Variants in PRLR observed in about 807,000 individuals in gnomAD.
The protein encoded by PRLR is prolactin receptor, also known as hPRL receptor.
A neutral mutation model predicts 40.2 loss-of-function variants in PRLR; 13 were observed. The ratio of observed to expected loss-of-function variants is 0.32; its 90% CI spans 0.21 to 0.51. The LOEUF is 0.51. Ranked by LOEUF, PRLR falls within the 20% of genes least tolerant of loss-of-function variation. The pLI is 0.97. For missense variants in PRLR, 656 were observed against 747.3 expected, an observed-to-expected ratio of 0.88 and a Z score of 1.42; for synonymous variants, 269 against 278.7, an observed-to-expected ratio of 0.97 and a Z score of 0.35.
At chr5:35,173,650 C>A (rs972802202) in intron 1 of PRLR, among the ~76,000 whole-genome samples, 1 of 152,194 alleles carries the variant, frequency 6.6e-6, no homozygotes, top group African/African-American at 2.4e-5. Flanking sequence ...CCCTGTTTCT[C>A]TTTATTTTTG....
chr5:35,118,859 C>G (rs1348783567), intron 1 of PRLR, among the ~76,000 whole-genome samples: 1 of 151,756 alleles, frequency 6.6e-6, no homozygotes, highest in Admixed American at 6.6e-5. Flanking sequence ...AATCACAGCT[C>G]ACTGCAACTT....
chr5:35,183,089 C>A (rs879757307), intron 1 of PRLR, among the ~76,000 whole-genome samples: 5 of 152,198 alleles, frequency 3.3e-5, no homozygotes, highest in Admixed American at 2.0e-4. Flanking sequence ...AGTTGCGACA[C>A]CTACTTCTAG....
In PRLR at chr5:35,223,091, G is replaced by T. The variant is rs188630613; in HGVS notation, c.-106+7177C>A. Among the ~76,000 whole-genome samples the T allele has an allele frequency of 8.5e-5, 13 of 152,316 alleles. No individual in the cohort carries two copies. The East Asian group carries it at 2.5e-3, about 29-fold the overall frequency. On this transcript the variant is annotated intron_variant, in intron 1 of 9. Coordinates refer to ENST00000618457, the MANE Select transcript of PRLR (RefSeq NM_000949.7). ...GGCTTTCAGCCACATCATCCAAGTA[G>T]ACAGAATCACCACGAGGAATTATCT...
intron 1 of PRLR, among the ~76,000 whole-genome samples, chr5:35,123,252 A>T (rs1773349555): frequency 6.6e-6 from 1 of 152,212 alleles, no homozygotes; most frequent in Non-Finnish European, 1.5e-5. Context: ...AAAAATGGCT[A>T]AAAAACAGAA....
At chr5:35,095,292 T>C (rs1771464275) in intron 2 of PRLR, among the ~76,000 whole-genome samples, 1 of 152,150 alleles carries the variant, frequency 6.6e-6, no homozygotes, top group African/African-American at 2.4e-5. Context: ...CAACAGTCAA[T>C]GATTGTGAAT....
intron 1 of PRLR, among the ~76,000 whole-genome samples, chr5:35,149,356 A>G (rs899024996): frequency 1.3e-5 from 2 of 152,314 alleles, no homozygotes; most frequent in Middle Eastern, 3.4e-3. Context: ...AGTTTGGAAG[A>G]CCTAAGGAAG....
chr5:35,096,118 G>A (rs558624152), intron 2 of PRLR, among the ~76,000 whole-genome samples: 1 of 152,314 alleles, frequency 6.6e-6, no homozygotes, highest in South Asian at 2.1e-4. Flanking sequence ...GGCCACTCAG[G>A]AATACCTGTG....
chr5:35,153,758 TACACAC>T (rs146437480), intron 1 of PRLR, among the ~76,000 whole-genome samples: 4 of 140,606 alleles, frequency 2.8e-5, no homozygotes, highest in South Asian at 2.2e-4. Flanking sequence ...CTACACACAC[TACACAC>T]ACACACACAC....
chr5:35,078,546 A>G (rs1422361454), intron 5 of PRLR, among the ~76,000 whole-genome samples: 1 of 152,130 alleles, frequency 6.6e-6, no homozygotes, highest in African/African-American at 2.4e-5. Context: ...AGGCTCTGAA[A>G]TTGAGGCAAT....
At chr5:35,138,488 T>C (rs957379151) in intron 1 of PRLR, among the ~76,000 whole-genome samples, 1 of 152,182 alleles carries the variant, frequency 6.6e-6, no homozygotes, top group Admixed American at 6.6e-5. Context: ...TGTGGAGAGA[T>C]TGGAATTTAT....
At chr5:35,151,716 C>T (rs1191266520) in intron 1 of PRLR, among the ~76,000 whole-genome samples, 4 of 152,164 alleles carry the variant, frequency 2.6e-5, no homozygotes, top group Non-Finnish European at 4.4e-5. Context: ...TTGTCAAGAG[C>T]CCCAACTAAT....
At chr5:35,125,348 G>A (rs1487933821) in intron 1 of PRLR, among the ~76,000 whole-genome samples, 1 of 152,204 alleles carries the variant, frequency 6.6e-6, no homozygotes, top group Non-Finnish European at 1.5e-5. Flanking sequence ...GCTTAGTTTA[G>A]TTCAGAGGTC....
intron 2 of PRLR, among the ~76,000 whole-genome samples, chr5:35,103,281 G>T (rs531247343): frequency 4.6e-5 from 7 of 152,134 alleles, no homozygotes; most frequent in Admixed American, 6.6e-5. Context: ...AAAGGTAAGC[G>T]CTATTGTCAA....
Position 35,064,762 on chromosome 5 carries a change from C to T in PRLR, c.*327G>A. 4.6e-6 allele frequency: 1 copy of T among 216,900 alleles called. No individual in the cohort carries two copies. Among genetic ancestry groups the T allele is most frequent in the Non-Finnish European group, 9.2e-6 (1 of 109,170 alleles). 13.4% of individuals were successfully genotyped at this position (216,900 alleles called of 1,614,324 possible). ...TTTGACAATTTCATTTCCGTCTGTC[C>T]CATGCCAAATCATGAAAGCCTTTTC... On this transcript the variant is annotated 3_prime_UTR_variant, in exon 10 of 10. Transcript: ENST00000618457.
chr5:35,114,656 C>T (rs1376067846), intron 2 of PRLR, among the ~76,000 whole-genome samples: 1 of 152,080 alleles, frequency 6.6e-6, no homozygotes, highest in East Asian at 1.9e-4. Flanking sequence ...TGGAGATTTC[C>T]CTTTGTGTGG....
At chr5:35,204,142 T>C (rs1775950048) in intron 1 of PRLR, among the ~76,000 whole-genome samples, 2 of 151,944 alleles carry the variant, frequency 1.3e-5, no homozygotes, top group South Asian at 4.1e-4. Context: ...TGTGAAACTT[T>C]TCTCTCAAAA....
intron 5 of PRLR, chr5:35,081,562 A>G (rs1006605506): frequency 4.5e-5 from 7 of 154,692 alleles, no homozygotes; most frequent in African/African-American, 1.7e-4. Flanking sequence ...TTTGAAAAAT[A>G]TGGTCCAACA....
chr5:35,067,775 G>C (rs561701372), intron 9 of PRLR, among the ~76,000 whole-genome samples: 10 of 152,288 alleles, frequency 6.6e-5, no homozygotes, highest in South Asian at 2.1e-4. Context: ...AGTGCCCAAA[G>C]TGAGAGATAA....
intron 1 of PRLR, among the ~76,000 whole-genome samples, chr5:35,163,457 G>C (rs1299513744): frequency 2.6e-5 from 4 of 152,126 alleles, no homozygotes; most frequent in Non-Finnish European, 5.9e-5. Context: ...ATGAGGAGCA[G>C]CTAGGATGCG....
Sources: gnomAD v4.1 joint callset for allele counts (sites outside exome capture counted in the v4.1 genomes callset) on GRCh38, gnomAD v4.1.1 for gene constraint, MANE v1.5 for transcripts, NCBI Gene and HGNC (gene_info 2026-07-23, HGNC 2026-07-21) for gene names.